Variants in LRRC7 observed in about 807,000 individuals in gnomAD.
LRRC7 encodes leucine rich repeat containing 7, also known as leucine-rich repeat-containing protein 7.
A neutral mutation model predicts 175.7 loss-of-function variants in LRRC7; 23 were observed. The observed-to-expected ratio is 0.13, with a 90% CI of 0.09 to 0.19. LRRC7 has a LOEUF of 0.19. LRRC7 is among the 10% of genes least tolerant of loss of function. The probability of loss-of-function intolerance (pLI) is 1.00; values close to 1 mark genes in which losing one functional copy is unlikely to be tolerated. For synonymous variants in LRRC7, 685 were observed against 680.9 expected (o/e 1.01, Z -0.09); for missense variants, 1,354 against 1,904.7 (o/e 0.71, Z 5.38).
intron 7 of LRRC7, among the ~76,000 whole-genome samples, chr1:69,881,513 G>T (rs1686595707): frequency 6.6e-6 from 1 of 151,918 alleles, no homozygotes; most frequent in Non-Finnish European, 1.5e-5. Flanking sequence ...AAAAGCTCAG[G>T]CAACAAAAGA....
chr1:69,931,628 C>T (rs1246351611), intron 8 of LRRC7, 58 bp downstream of exon 8: 5 of 1,410,718 alleles, frequency 3.5e-6, no homozygotes, highest in South Asian at 1.2e-5. Flanking sequence ...CTTTCTTTTG[C>T]TCTGTCTTTG....
At chr1:69,619,943 CAAT>C (rs1650289007) in intron 1 of LRRC7, among the ~76,000 whole-genome samples, 1 of 134,766 alleles carries the variant, frequency 7.4e-6, no homozygotes, top group East Asian at 3.0e-4. Flanking sequence ...TTTAATATAA[CAAT>C]ATAAAAAGTT....
intron 2 of LRRC7, among the ~76,000 whole-genome samples, chr1:69,686,345 A>G (rs933241375): frequency 1.3e-5 from 2 of 152,210 alleles, no homozygotes; most frequent in East Asian, 1.9e-4. Flanking sequence ...AAACAGAAGT[A>G]TGAATAATAG....
At chr1:69,681,336 G>C (rs1660464972) in intron 2 of LRRC7, among the ~76,000 whole-genome samples, 1 of 152,110 alleles carries the variant, frequency 6.6e-6, no homozygotes, top group African/African-American at 2.4e-5. Context: ...AAGGAATAAG[G>C]AAACTTGGTT....
At chr1:69,996,378 C>G (rs1479063327) in intron 11 of LRRC7, among the ~76,000 whole-genome samples, 5 of 152,100 alleles carry the variant, frequency 3.3e-5, no homozygotes, top group Non-Finnish European at 7.4e-5. Context: ...ATGGTAGTTT[C>G]TTTTGCTGTG....
At chr1:69,919,537 C>G (rs1318369488) in intron 7 of LRRC7, 7 of 797,488 alleles carry the variant, frequency 8.8e-6, no homozygotes, top group African/African-American at 1.7e-5. Flanking sequence ...CTCGCACCTG[C>G]TAGTGAAGCC....
At chr1:69,866,311 G>C (rs1684942781) in intron 7 of LRRC7, among the ~76,000 whole-genome samples, 1 of 152,160 alleles carries the variant, frequency 6.6e-6, no homozygotes, top group South Asian at 2.1e-4. Context: ...GTTTTGAAAG[G>C]AGACAGAGTT....
chr1:69,934,494 CG>C (rs573858643), intron 8 of LRRC7, among the ~76,000 whole-genome samples: 9,805 of 46,420 alleles, frequency 0.21, 573 homozygotes, highest in African/African-American at 0.35. Context: ...GATATTTTGG[CG>C]GGGGGGGGGC....
intron 24 of LRRC7, among the ~76,000 whole-genome samples, chr1:70,079,765 C>G (rs562940524): frequency 6.6e-6 from 1 of 152,304 alleles, no homozygotes; most frequent in South Asian, 2.1e-4. Flanking sequence ...AAGGGCCCCA[C>G]ATTTGGATTA....
intron 1 of LRRC7, among the ~76,000 whole-genome samples, chr1:69,574,282 A>T (rs758839532): frequency 3.9e-5 from 6 of 152,124 alleles, no homozygotes; most frequent in Non-Finnish European, 8.8e-5. Flanking sequence ...TTCATAGGTA[A>T]AAAGAAATGG....
At chr1:69,882,859 C>T (rs1443614530) in intron 7 of LRRC7, among the ~76,000 whole-genome samples, 18 of 148,222 alleles carry the variant, frequency 1.2e-4, no homozygotes, top group African/African-American at 3.0e-4. Flanking sequence ...TGAGAATATG[C>T]GGTGTTTGGT....
chr1:69,857,815 C>T (rs1021196323), intron 7 of LRRC7, among the ~76,000 whole-genome samples: 1 of 152,118 alleles, frequency 6.6e-6, no homozygotes, highest in Non-Finnish European at 1.5e-5. Context: ...CAATCCTAAG[C>T]CGAAAGAACA....
At chr1:69,673,479 AC>A (rs1329777827) in intron 1 of LRRC7, among the ~76,000 whole-genome samples, 1 of 152,200 alleles carries the variant, frequency 6.6e-6, no homozygotes, top group Non-Finnish European at 1.5e-5. Context: ...AATTGTTAAC[AC>A]ACTCCCACTG....
At chr1:70,094,699 A>G (rs1664265602) in intron 25 of LRRC7, among the ~76,000 whole-genome samples, 1 of 152,212 alleles carries the variant, frequency 6.6e-6, no homozygotes, top group Admixed American at 6.5e-5. Flanking sequence ...ACCCTTAGAC[A>G]TGCAGAATTG....
intron 3 of LRRC7, among the ~76,000 whole-genome samples, chr1:69,765,591 A>T (rs550975929): frequency 6.6e-6 from 1 of 152,244 alleles, no homozygotes; most frequent in African/African-American, 2.4e-5. Context: ...ACTCTGTAAT[A>T]CGTTAATGAT....
At chr1:69,685,668 C>T (rs1409013755) in intron 2 of LRRC7, among the ~76,000 whole-genome samples, 1 of 151,888 alleles carries the variant, frequency 6.6e-6, no homozygotes, top group South Asian at 2.1e-4. Flanking sequence ...GGAATTTACT[C>T]AATATGAACA....
chr1:69,920,391 T>A (rs1383967118), intron 7 of LRRC7: 1 of 151,780 alleles, frequency 6.6e-6, no homozygotes, highest in African/African-American at 2.4e-5. Flanking sequence ...CATTGGCAAA[T>A]TTTAGTAAGT....
At chr1:69,856,977 G>A (rs1474553717) in intron 7 of LRRC7, among the ~76,000 whole-genome samples, 5 of 152,012 alleles carry the variant, frequency 3.3e-5, no homozygotes, top group African/African-American at 7.2e-5. Flanking sequence ...ATCAATAAAC[G>A]TAATACAGCA....
chr1:69,682,661 A>G lies in LRRC7; in HGVS notation c.100+4183A>G, dbSNP rs535581832. Among the ~76,000 whole-genome samples the G allele has an allele frequency of 1.2e-4, 18 of 152,260 alleles. No homozygotes were observed. In the East Asian group the frequency reaches 3.1e-3, roughly 26 times the overall value. ...TATGAACCAGAAAGCGGGACTTACC[A>G]TCTACCAAATCTGCCAACATCTTGA... is the stretch of plus-strand genomic sequence containing the variant. On this transcript the variant is annotated intron_variant, in intron 2 of 26. Transcript: ENST00000651989.
Sources: allele counts gnomAD v4.1 joint callset (sites outside exome capture counted in the v4.1 genomes callset), GRCh38; gene constraint gnomAD v4.1.1; transcripts MANE v1.5; gene names NCBI Gene and HGNC (gene_info 2026-07-23, HGNC 2026-07-21).